The following SLC12A1 variants were observed in gnomAD, a reference collection of about 807,000 sequenced individuals.
SLC12A1 encodes solute carrier family 12 member 1.
Under a neutral mutation model 130.4 loss-of-function variants are expected in SLC12A1, and 89 were observed. The observed-to-expected ratio is 0.68, with a 90% CI of 0.58 to 0.81. SLC12A1 has a LOEUF of 0.81. Among genes scored for constraint, SLC12A1 ranks in the 40% least tolerant of loss-of-function variants. The pLI is 0.00. For missense variants in SLC12A1, 1,310 were observed against 1,336.4 expected (o/e 0.98, Z 0.31); for synonymous variants, 499 against 460.0 (o/e 1.08, Z -1.09).
intron 10 of SLC12A1, among the ~76,000 whole-genome samples, chr15:48,244,199 G>A (rs540330916): frequency 5.3e-5 from 8 of 152,282 alleles, no homozygotes; most frequent in African/African-American, 1.9e-4. Context: ...TAGGAAATCT[G>A]AGTATTTTAT....
intron 9 of SLC12A1, among the ~76,000 whole-genome samples, chr15:48,238,079 C>A (rs2041459591): frequency 6.6e-6 from 1 of 152,208 alleles, no homozygotes; most frequent in East Asian, 1.9e-4. Context: ...TACATCACAA[C>A]CAAGTGCACA....
rs78143561 is a variant in SLC12A1 at position 48,233,679 on chromosome 15, C to T, written c.1087+841C>T. On this transcript the variant is annotated intron_variant, in intron 8 of 26. Transcript: ENST00000380993. The stretch of plus-strand genomic sequence containing the variant: ...TCAATGTTTCCCTTTATTATTTACT[C>T]AGTTGTCAGTATTTATTTCTTTTTG... 6.6e-3 allele frequency among the ~76,000 whole-genome samples: 1,000 copies of T among 152,242 alleles called. 18 individuals are homozygous for T. The highest frequency in any genetic ancestry group is 0.054 in the East Asian group (278 of 5,178).
Position 48,247,007 on chromosome 15 carries a change from A to T in SLC12A1, c.1551A>T (p.Lys517Asn), listed in dbSNP as rs1179189380. Residue 517 changes from lysine (K) to asparagine (N), a missense_variant, in exon 12 of 27, where the codon AAA (lysine) becomes AAT (asparagine). Transcript: ENST00000380993. ...TGGCCTCCCTTGTCAGCGCACCCAA[A>T]GTGTTCCAGGTAATACAAGCACAAC... ...SALASLVSAP[K>N]VFQALCKDNI... 1 of 1,612,806 alleles carries T rather than the reference A, an allele frequency of 6.2e-7. No individual in the cohort carries two copies. Among genetic ancestry groups the T allele is most frequent in the Admixed American group, 1.7e-5 (1 of 60,000 alleles).
chr15:48,294,945 C>T (rs1183791844), intron 24 of SLC12A1, among the ~76,000 whole-genome samples: 1 of 98,294 alleles, frequency 1.0e-5, no homozygotes, highest in Non-Finnish European at 1.9e-5. Flanking sequence ...GGGTCTCACT[C>T]TGTCGTCTAG....
At chr15:48,288,677 C>T (rs769007522) in intron 23 of SLC12A1, among the ~76,000 whole-genome samples, 161 bp downstream of exon 23, 2 of 152,118 alleles carry the variant, frequency 1.3e-5, no homozygotes, top group African/African-American at 2.4e-5. Context: ...GTAAATTATT[C>T]GCATATTTTT....
Position 48,269,779 on chromosome 15 carries a change from T to C in SLC12A1, c.2402+15T>C. The stretch of plus-strand genomic sequence containing the variant: ...GGAATCATACAGTAAGTGATGGCTT[T>C]CAAGACGTGTTCTTGTTTATAAAGC... On this transcript the variant is annotated intron_variant, in intron 19 of 26. Transcript: ENST00000380993. 7.2e-7 allele frequency: 1 copy of C among 1,385,940 alleles called. No homozygotes were observed. Among genetic ancestry groups the C allele is most frequent in the Non-Finnish European group, 1.0e-6 (1 of 973,650 alleles). 85.9% of individuals were successfully genotyped at this position (1,385,940 alleles called of 1,614,324 possible).
At chr15:48,219,348 G>A (rs1421742964) in intron 2 of SLC12A1, among the ~76,000 whole-genome samples, 3 of 152,122 alleles carry the variant, frequency 2.0e-5, no homozygotes, top group Non-Finnish European at 4.4e-5. Context: ...ATGAGGTCAA[G>A]AGATCAGGAC....
intron 20 of SLC12A1, among the ~76,000 whole-genome samples, chr15:48,283,719 T>C (rs1277865119): frequency 1.3e-5 from 2 of 152,128 alleles, no homozygotes; most frequent in Non-Finnish European, 2.9e-5. Context: ...GCTCCAAGGG[T>C]TGACATTTAC....
chr15:48,259,183 C>G lies in SLC12A1; in HGVS notation c.2043-17C>G. ...TTCTTGCAGGGGCTCATTTTCACAT[C>G]TTTTTTTTACTTCCAGGCCCCAGTG... On this transcript the variant is annotated splice_polypyrimidine_tract_variant and intron_variant, in intron 16 of 26. Transcript: ENST00000380993. 1 of 1,529,238 alleles carries G rather than the reference C, an allele frequency of 6.5e-7. No homozygotes were observed. Among genetic ancestry groups the G allele is most frequent in the Non-Finnish European group, 9.1e-7 (1 of 1,103,414 alleles). 94.7% of individuals were successfully genotyped at this position (1,529,238 alleles called of 1,614,324 possible). A position where few individuals can be genotyped will look rare whatever the true frequency, so the allele number is the denominator to read the frequency against.
intron 20 of SLC12A1, among the ~76,000 whole-genome samples, chr15:48,275,200 T>G (rs560518430): frequency 1.3e-5 from 2 of 152,214 alleles, no homozygotes; most frequent in Non-Finnish European, 2.9e-5. Context: ...AAACATACTC[T>G]TTTGTGTATG....
At chr15:48,223,607 G>C (rs2041243944) in intron 4 of SLC12A1, 1 of 152,220 alleles carries the variant, frequency 6.6e-6, no homozygotes, top group Non-Finnish European at 1.5e-5. Context: ...GTTGGAGTAG[G>C]TTTAGTGTTA....
intron 14 of SLC12A1, 55 bp downstream of exon 14, chr15:48,249,731 T>A: frequency 8.1e-7 from 1 of 1,227,158 alleles, no homozygotes; most frequent in Non-Finnish European, 1.2e-6. Flanking sequence ...TTTGTCTCAA[T>A]AAAACGAAAT....
At chr15:48,302,320 C>T (rs890160231) in intron 26 of SLC12A1, among the ~76,000 whole-genome samples, 2 of 151,880 alleles carry the variant, frequency 1.3e-5, no homozygotes, top group African/African-American at 2.4e-5. Flanking sequence ...CTTGGGGTGG[C>T]GTAAAAATTA....
At chr15:48,252,075 C>G (rs2041655089) in intron 15 of SLC12A1, among the ~76,000 whole-genome samples, 1 of 151,984 alleles carries the variant, frequency 6.6e-6, no homozygotes, top group African/African-American at 2.4e-5. Flanking sequence ...TGGTGGCGGG[C>G]CCCTGTAATC....
intron 2 of SLC12A1, among the ~76,000 whole-genome samples, chr15:48,210,873 A>C (rs181868486): frequency 3.9e-5 from 6 of 152,080 alleles, no homozygotes; most frequent in Non-Finnish European, 1.5e-5. Flanking sequence ...CAAAAAAAAA[A>C]AGAAACAGAA....
chr15:48,296,475 C>A (rs2042178555), intron 24 of SLC12A1, among the ~76,000 whole-genome samples: 1 of 151,998 alleles, frequency 6.6e-6, no homozygotes, highest in Non-Finnish European at 1.5e-5. Context: ...GACAAAAAGA[C>A]AACAATCTTT....
At chr15:48,282,813 C>T (rs1437001934) in intron 20 of SLC12A1, among the ~76,000 whole-genome samples, 1 of 151,712 alleles carries the variant, frequency 6.6e-6, no homozygotes, top group Non-Finnish European at 1.5e-5. Flanking sequence ...GATGATAAAG[C>T]ATAGGAAGGT....
intron 8 of SLC12A1, among the ~76,000 whole-genome samples, chr15:48,233,296 A>C (rs1291702917): frequency 6.6e-6 from 1 of 152,180 alleles, no homozygotes; most frequent in African/African-American, 2.4e-5. Context: ...GAATTTTGAG[A>C]AACAAATAAG....
intron 19 of SLC12A1, among the ~76,000 whole-genome samples, chr15:48,272,225 G>T (rs1181277229): frequency 6.6e-6 from 1 of 152,162 alleles, no homozygotes; most frequent in Non-Finnish European, 1.5e-5. Flanking sequence ...GACTTTTCTA[G>T]CACAGCAATG....
Sources: gnomAD v4.1 joint callset for allele counts (sites outside exome capture counted in the v4.1 genomes callset) on GRCh38, gnomAD v4.1.1 for gene constraint, MANE v1.5 for transcripts, NCBI Gene and HGNC (gene_info 2026-07-23, HGNC 2026-07-21) for gene names.